Variants in PTPRG observed in about 807,000 individuals in gnomAD.
The protein encoded by PTPRG is receptor-type tyrosine-protein phosphatase gamma.
Under a neutral mutation model 165.3 loss-of-function variants are expected in PTPRG, and 102 were observed. The ratio of observed to expected loss-of-function variants is 0.62; its 90% confidence interval spans 0.53 to 0.73. The LOEUF is 0.73. PTPRG is among the 30% of genes least tolerant of loss of function. The pLI, the probability that PTPRG is intolerant of heterozygous loss-of-function variation, is 0.00. For synonymous variants in PTPRG, 675 were observed against 669.5 expected, an observed-to-expected ratio of 1.01 and a Z score of -0.13; for missense variants, 1,866 against 1,861.4, an observed-to-expected ratio of 1.00 and a Z score of -0.05.
chr3:62,267,930 G>GA, intron 19 of PTPRG, 111 bp downstream of exon 19: 2 of 1,258,766 alleles, frequency 1.6e-6, no homozygotes, highest in Non-Finnish European at 2.2e-6. Context: ...TTACGGAAAT[G>GA]AAAAGTGTTC....
intron 28 of PTPRG, among the ~76,000 whole-genome samples, chr3:62,289,545 A>G (rs1055472334): frequency 6.6e-6 from 1 of 152,180 alleles, no homozygotes; most frequent in Non-Finnish European, 1.5e-5. Flanking sequence ...AAAGAATTAC[A>G]CATCATGAAA....
chr3:61,627,453 T>C (rs1248767691), intron 1 of PTPRG, among the ~76,000 whole-genome samples: 1 of 152,216 alleles, frequency 6.6e-6, no homozygotes, highest in African/African-American at 2.4e-5. Flanking sequence ...TGTTCTATTC[T>C]TTATGATGGC....
intron 4 of PTPRG, among the ~76,000 whole-genome samples, chr3:62,052,114 T>C (rs1300589234): frequency 6.6e-6 from 1 of 152,208 alleles, no homozygotes; most frequent in African/African-American, 2.4e-5. Context: ...TTTTGATATA[T>C]GCTTTTATAT....
Position 61,606,681 on chromosome 3 carries a change from C to A in PTPRG, c.85+44309C>A, listed in dbSNP as rs115865370. 2.5e-3 allele frequency among the ~76,000 whole-genome samples: 379 copies of A among 152,308 alleles called. 1 individual carries two copies. Among genetic ancestry groups the A allele is most frequent in the African/African-American group, 8.8e-3 (366 of 41,582 alleles). On this transcript the variant is annotated intron_variant, in intron 1 of 29. Coordinates refer to ENST00000474889, the MANE Select transcript of PTPRG (RefSeq NM_002841.4). ...GGCACTGGAGGCATTCCTTGTCTGGCAAGGGCTACATCCTCCAGAGGGGAG... is the reference window on the plus strand; with the variant it reads ...GGCACTGGAGGCATTCCTTGTCTGGAAAGGGCTACATCCTCCAGAGGGGAG...
At chr3:62,036,692 C>T (rs1699950270) in intron 4 of PTPRG, among the ~76,000 whole-genome samples, 1 of 152,066 alleles carries the variant, frequency 6.6e-6, no homozygotes, top group Admixed American at 6.5e-5. Context: ...GTCCCTAGTG[C>T]AATTTTATTG....
chr3:61,921,125 T>A (rs767324271), intron 2 of PTPRG, among the ~76,000 whole-genome samples: 1 of 45,508 alleles, frequency 2.2e-5, no homozygotes, highest in East Asian at 1.1e-3. Flanking sequence ...ATCTCCTTCC[T>A]TCCTTCCTTC....
intron 2 of PTPRG, among the ~76,000 whole-genome samples, chr3:61,819,132 G>C (rs1042482882): frequency 2.0e-5 from 3 of 152,028 alleles, no homozygotes; most frequent in African/African-American, 4.8e-5. Flanking sequence ...ATGCCAAAAA[G>C]ACAATGGAGT....
intron 1 of PTPRG, among the ~76,000 whole-genome samples, chr3:61,652,610 A>ATAG (rs1341562907): frequency 6.7e-6 from 1 of 148,994 alleles, no homozygotes; most frequent in Non-Finnish European, 1.5e-5. Context: ...ATTGTTGTTA[A>ATAG]TGTTTCTTTT....
At chr3:61,926,963 G>A (rs186582630) in intron 2 of PTPRG, among the ~76,000 whole-genome samples, 7 of 152,244 alleles carry the variant, frequency 4.6e-5, no homozygotes, top group Admixed American at 2.0e-4. Context: ...TACCTGTAAT[G>A]TAGTGCATGC....
intron 5 of PTPRG, among the ~76,000 whole-genome samples, chr3:62,108,812 T>A (rs1702564748): frequency 6.6e-6 from 1 of 152,246 alleles, no homozygotes; most frequent in Non-Finnish European, 1.5e-5. Context: ...TGAGCTTTTT[T>A]CCATGTGTCT....
chr3:61,682,595 A>T (rs1703488586), intron 1 of PTPRG, among the ~76,000 whole-genome samples: 1 of 152,104 alleles, frequency 6.6e-6, no homozygotes, highest in African/African-American at 2.4e-5. Context: ...CCAAAGGTGG[A>T]TTTTTTCCAA....
intron 1 of PTPRG, among the ~76,000 whole-genome samples, chr3:61,699,281 T>C (rs1301517729): frequency 6.6e-6 from 1 of 151,978 alleles, no homozygotes; most frequent in Non-Finnish European, 1.5e-5. Context: ...GTTGGAAGAG[T>C]GGCATTGCTT....
chr3:62,165,352 A>G (rs1704930245), intron 7 of PTPRG, among the ~76,000 whole-genome samples: 1 of 152,176 alleles, frequency 6.6e-6, no homozygotes, highest in Non-Finnish European at 1.5e-5. Context: ...CTCACATTTG[A>G]TGCATTCAGT....
chr3:61,602,689 G>T (rs1024480995), intron 1 of PTPRG, among the ~76,000 whole-genome samples: 1 of 152,192 alleles, frequency 6.6e-6, no homozygotes, highest in Admixed American at 6.5e-5. Context: ...TGCAGCCCAT[G>T]CTTGCAGGGC....
At chr3:61,853,148 G>A (rs1013499612) in intron 2 of PTPRG, among the ~76,000 whole-genome samples, 7 of 152,220 alleles carry the variant, frequency 4.6e-5, no homozygotes, top group Non-Finnish European at 7.3e-5. Flanking sequence ...TATGTTGTAT[G>A]ATGATAAGTT....
intron 1 of PTPRG, among the ~76,000 whole-genome samples, chr3:61,671,473 C>T (rs1379683241): frequency 6.6e-6 from 1 of 151,306 alleles, no homozygotes; most frequent in Non-Finnish European, 1.5e-5. Flanking sequence ...CACAGATCAA[C>T]AGGATCCCAA....
chr3:61,908,827 C>G (rs1396778286), intron 2 of PTPRG, among the ~76,000 whole-genome samples: 2 of 152,218 alleles, frequency 1.3e-5, no homozygotes, highest in Middle Eastern at 3.4e-3. Context: ...CATGTTAGGG[C>G]TTAGGCTTAA....
At chr3:61,880,421 A>G (rs969725679) in intron 2 of PTPRG, among the ~76,000 whole-genome samples, 5 of 152,256 alleles carry the variant, frequency 3.3e-5, no homozygotes, top group African/African-American at 9.6e-5. Flanking sequence ...GGAGTTTGAG[A>G]TCAGCCTGGC....
intron 2 of PTPRG, among the ~76,000 whole-genome samples, chr3:61,761,069 A>G (rs992798442): frequency 1.3e-5 from 2 of 152,202 alleles, no homozygotes; most frequent in Non-Finnish European, 2.9e-5. Flanking sequence ...ATAGGCATGC[A>G]TGTATCTTTG....
Sources: allele counts gnomAD v4.1 joint callset (sites outside exome capture counted in the v4.1 genomes callset), GRCh38; gene constraint gnomAD v4.1.1; transcripts MANE v1.5; gene names NCBI Gene and HGNC (gene_info 2026-07-23, HGNC 2026-07-21).